The following PPIL4 variants were observed in gnomAD, a reference collection of about 807,000 sequenced individuals.
The protein encoded by PPIL4 is peptidyl-prolyl cis-trans isomerase-like 4.
In PPIL4, 50 loss-of-function variants were observed where a neutral mutation model predicts 69.1. That is an observed-to-expected ratio of 0.72 (90% confidence interval 0.58 to 0.92). PPIL4 has a LOEUF of 0.92. Among genes scored for constraint, PPIL4 ranks in the 40% least tolerant of loss-of-function variants. The pLI, the probability that PPIL4 is intolerant of heterozygous loss-of-function variation, is 0.00. For synonymous variants in PPIL4, 193 were observed against 191.6 expected, an observed-to-expected ratio of 1.01 and a Z score of -0.06; for missense variants, 480 against 587.9, an observed-to-expected ratio of 0.82 and a Z score of 1.90.
At position 149,545,921 on chromosome 6, in the gene PPIL4, G is replaced by C. The variant is rs1651289879; in HGVS notation, c.70+15C>G. 6.3e-7 allele frequency: 1 copy of C among 1,575,334 alleles called. No individual in the cohort carries two copies. The highest frequency in any genetic ancestry group is 8.6e-7 in the Non-Finnish European group (1 of 1,158,092). ...CGGGGGCCCCGGCGACAGGTGAGTG[G>C]GGCTCAAGCCTCACCACGCGGCCGT... On this transcript the variant is annotated intron_variant, in intron 1 of 12. Coordinates refer to ENST00000253329, the MANE Select transcript of PPIL4 (RefSeq NM_139126.4).
intron 6 of PPIL4, 110 bp from the exon 7 acceptor site, chr6:149,533,684 G>A: frequency 3.2e-6 from 2 of 630,940 alleles, no homozygotes; most frequent in South Asian, 2.2e-5. Flanking sequence ...AACAGTAACT[G>A]ATCAAGGTTG....
intron 7 of PPIL4, among the ~76,000 whole-genome samples, chr6:149,527,113 C>T (rs1777119481): frequency 6.6e-6 from 1 of 152,192 alleles, no homozygotes; most frequent in South Asian, 2.1e-4. Context: ...AATCCCAGCA[C>T]TTTGGGAGGC....
At chr6:149,538,651 T>G (rs1178443223) in intron 4 of PPIL4, among the ~76,000 whole-genome samples, 2 of 152,108 alleles carry the variant, frequency 1.3e-5, no homozygotes, top group Non-Finnish European at 2.9e-5. Flanking sequence ...TAAGAAGAAG[T>G]AGATTCCAAC....
chr6:149,521,478 T>C (rs184278970), intron 9 of PPIL4, among the ~76,000 whole-genome samples: 223 of 152,328 alleles, frequency 1.5e-3, no homozygotes, highest in Non-Finnish European at 2.3e-3. Flanking sequence ...ATACACTTAC[T>C]GACTGTATTA....
chr6:149,512,312 T>G lies in PPIL4; in HGVS notation c.1080-10A>C, dbSNP rs554507594. On this transcript the variant is annotated splice_polypyrimidine_tract_variant and intron_variant, in intron 11 of 12. Transcript: ENST00000253329. ...AAGATCGTATTTTGTACTGCAGTAG[T>G]TAGTTAAGGATAAATGTGATAAATA... 13 of 1,601,278 alleles carry G rather than the reference T, an allele frequency of 8.1e-6. No homozygotes were observed. In the Admixed American group the frequency reaches 2.2e-4, roughly 27 times the overall value.
chr6:149,533,713 C>T, intron 6 of PPIL4, 139 bp from the exon 7 acceptor site: 1 of 497,996 alleles, frequency 2.0e-6, no homozygotes, highest in Non-Finnish European at 3.5e-6. Context: ...TACAATCACA[C>T]CACTGCACTC....
intron 11 of PPIL4, among the ~76,000 whole-genome samples, chr6:149,515,643 G>C (rs377185160): frequency 6.6e-6 from 1 of 152,118 alleles, no homozygotes; most frequent in African/African-American, 2.4e-5. Context: ...CTGAGTATGT[G>C]ACAGATGCTT....
intron 7 of PPIL4, among the ~76,000 whole-genome samples, chr6:149,528,539 C>T (rs1228472043): frequency 2.0e-5 from 3 of 152,100 alleles, no homozygotes; most frequent in Non-Finnish European, 4.4e-5. Flanking sequence ...TCTTAGAAAA[C>T]AGAACATGGA....
intron 4 of PPIL4, among the ~76,000 whole-genome samples, chr6:149,535,970 C>T (rs1481992922): frequency 6.6e-6 from 1 of 152,158 alleles, no homozygotes; most frequent in Non-Finnish European, 1.5e-5. Context: ...TTCTGGCAAC[C>T]GTGTATTGAG....
chr6:149,511,720 C>A (rs1419470911), intron 12 of PPIL4, among the ~76,000 whole-genome samples: 1 of 151,864 alleles, frequency 6.6e-6, no homozygotes, highest in African/African-American at 2.4e-5. Context: ...AAGTTAATTA[C>A]CAGTGCTGTT....
At position 149,541,408 on chromosome 6, in the gene PPIL4, G is replaced by T. The variant is rs1167264954; in HGVS notation, c.162C>A (p.Gly54=). The change falls in exon 3 of 13, where the codon GGC becomes GGA. Residue 54 remains glycine (G), a synonymous_variant. Transcript: ENST00000253329. ...CTCCACGGCCAGTCCCTGTAGGATCGCCAGTTTGTATGATAAAATCCCTCT... is the reference window on the plus strand; with the variant it reads ...CTCCACGGCCAGTCCCTGTAGGATCTCCAGTTTGTATGATAAAATCCCTCT... The part of the protein sequence containing the change: ...NVQRDFIIQT[G]DPTGTGRGGE... The T allele has an allele frequency of 1.9e-6, 3 of 1,559,506 alleles. No homozygotes were observed. The highest frequency in any genetic ancestry group is 2.6e-6 in the Non-Finnish European group (3 of 1,145,310).
chr6:149,519,577 A>C (rs1273214312), intron 10 of PPIL4, among the ~76,000 whole-genome samples: 1 of 152,232 alleles, frequency 6.6e-6, no homozygotes, highest in East Asian at 1.9e-4. Context: ...AAGGTTTCAC[A>C]GGAGAAACTA....
At position 149,517,182 on chromosome 6, in the gene PPIL4, T is replaced by C. The variant is rs188500953; in HGVS notation, c.1079+172A>G. ...GAGTATAGTGAAAAAGCAAAGTATA[T>C]GTAAGATCTTGAAAAGAGATAATGA... is the stretch of plus-strand genomic sequence containing the variant. On this transcript the variant is annotated intron_variant, in intron 11 of 12. Transcript: ENST00000253329. 5.9e-3 allele frequency: 3,289 copies of C among 559,086 alleles called. 41 individuals are homozygous for C. The highest frequency in any genetic ancestry group is 5.1e-3 in the Non-Finnish European group (1,618 of 318,922). 34.6% of individuals were successfully genotyped at this position (559,086 alleles called of 1,614,324 possible). A position where few individuals can be genotyped will look rare whatever the true frequency, so the allele number is the denominator to read the frequency against.
At chr6:149,545,888 G>A (rs1236302821) in intron 1 of PPIL4, 48 bp downstream of exon 1, 2 of 1,522,230 alleles carry the variant, frequency 1.3e-6, no homozygotes, top group Non-Finnish European at 8.9e-7. Flanking sequence ...AAAGTAGGGA[G>A]ACAAGCTCGG....
At chr6:149,538,358 T>C (rs1777310442) in intron 4 of PPIL4, among the ~76,000 whole-genome samples, 1 of 152,090 alleles carries the variant, frequency 6.6e-6, no homozygotes, top group Non-Finnish European at 1.5e-5. Context: ...AGTATTACTA[T>C]TTAAGAAATA....
intron 7 of PPIL4, 60 bp from the exon 8 acceptor site, chr6:149,526,836 T>G: frequency 2.0e-6 from 3 of 1,491,380 alleles, no homozygotes; most frequent in Non-Finnish European, 2.8e-6. Flanking sequence ...TTCTAAATCC[T>G]ATCCAATCCC....
intron 1 of PPIL4, among the ~76,000 whole-genome samples, chr6:149,544,236 C>T (rs1192515865): frequency 1.3e-5 from 2 of 152,112 alleles, no homozygotes; most frequent in Non-Finnish European, 2.9e-5. Flanking sequence ...AAACAAAATT[C>T]CCTATGATAT....
chr6:149,514,096 T>C (rs895763546), intron 11 of PPIL4, among the ~76,000 whole-genome samples: 2 of 152,184 alleles, frequency 1.3e-5, no homozygotes, highest in African/African-American at 4.8e-5. Flanking sequence ...CACTTCTACA[T>C]AAGATCAAAT....
chr6:149,506,697 G>C (rs1478643227), intron 12 of PPIL4, among the ~76,000 whole-genome samples: 1 of 152,046 alleles, frequency 6.6e-6, no homozygotes, highest in Non-Finnish European at 1.5e-5. Context: ...AGGCTCAACC[G>C]ATCCTTCCCA....
Sources: gnomAD v4.1 joint callset for allele counts (sites outside exome capture counted in the v4.1 genomes callset) on GRCh38, gnomAD v4.1.1 for gene constraint, MANE v1.5 for transcripts, NCBI Gene and HGNC (gene_info 2026-07-23, HGNC 2026-07-21) for gene names.